Variants in CPVL observed in about 807,000 individuals in gnomAD.
The protein encoded by CPVL is carboxypeptidase vitellogenic like.
In CPVL, 51 loss-of-function variants were observed where a neutral mutation model predicts 63.7. The observed-to-expected ratio is 0.80, with a 90% CI of 0.64 to 1.01. CPVL has a LOEUF of 1.01. Among genes scored for constraint, CPVL ranks in the 50% least tolerant of loss-of-function variants. CPVL has a pLI of 0.00. For synonymous variants in CPVL, 195 were observed against 206.0 expected (o/e 0.95, Z 0.46); for missense variants, 530 against 573.1 (o/e 0.92, Z 0.77).
chr7:29,182,396 A>T (rs891332851), intron 4 of CPVL, among the ~76,000 whole-genome samples: 46 of 118,572 alleles, frequency 3.9e-4, no homozygotes, highest in Admixed American at 1.6e-3. Context: ...GTGATATGAC[A>T]CATAGAGTGT....
At chr7:29,045,072 A>C (rs549183295) in intron 11 of CPVL, among the ~76,000 whole-genome samples, 1 of 152,360 alleles carries the variant, frequency 6.6e-6, no homozygotes, top group South Asian at 2.1e-4. Flanking sequence ...CATGGGGAAG[A>C]ATATATTATT....
intron 11 of CPVL, among the ~76,000 whole-genome samples, chr7:29,051,110 A>C (rs909366095): frequency 3.3e-5 from 5 of 152,232 alleles, no homozygotes; most frequent in African/African-American, 1.2e-4. Flanking sequence ...CTCAAGATTG[A>C]TTAAGGACTT....
chr7:29,039,269 T>C (rs952118744), intron 11 of CPVL, among the ~76,000 whole-genome samples: 1 of 152,194 alleles, frequency 6.6e-6, no homozygotes, highest in African/African-American at 2.4e-5. Flanking sequence ...AACCTTCTCC[T>C]AGTAAAGACC....
rs1320858329 is a variant in CPVL at position 29,004,722 on chromosome 7, C to T, written c.1321-8840G>A. Among the ~76,000 whole-genome samples the T allele has an allele frequency of 3.9e-5, 6 of 152,108 alleles. No homozygotes were observed. The East Asian group carries it at 1.2e-3, about 29-fold the overall frequency. On this transcript the variant is annotated intron_variant, in intron 12 of 12. Transcript: ENST00000265394. The stretch of plus-strand genomic sequence containing the variant: ...TTGGGTGACCACTTGTCGCACTGTG[C>T]CTAGGACCAAGAGGTTTCTGGGAAC...
At chr7:29,137,014 C>T (rs942377951) in intron 1 of CPVL, among the ~76,000 whole-genome samples, 1 of 152,164 alleles carries the variant, frequency 6.6e-6, no homozygotes, top group Non-Finnish European at 1.5e-5. Flanking sequence ...TTGTGACTTG[C>T]CTGGACTACT....
chr7:29,176,555 C>T (rs931389218), intron 5 of CPVL, among the ~76,000 whole-genome samples: 4 of 151,988 alleles, frequency 2.6e-5, no homozygotes, highest in African/African-American at 9.7e-5. Context: ...AAAGTAAAGA[C>T]ATTTATAGAC....
intron 1 of CPVL, among the ~76,000 whole-genome samples, chr7:29,130,232 G>A (rs1790547292): frequency 6.6e-6 from 1 of 152,224 alleles, no homozygotes; most frequent in South Asian, 2.1e-4. Flanking sequence ...TCTACTTTAA[G>A]TTGCCTGGTA....
chr7:29,002,462 T>C (rs544168533), intron 12 of CPVL, among the ~76,000 whole-genome samples: 2 of 152,330 alleles, frequency 1.3e-5, no homozygotes, highest in East Asian at 3.9e-4. Context: ...ATAACATTTT[T>C]CTTCATATAT....
At chr7:29,188,930 A>G (rs1008668976) in intron 1 of CPVL, among the ~76,000 whole-genome samples, 1 of 149,868 alleles carries the variant, frequency 6.7e-6, no homozygotes, top group Non-Finnish European at 1.5e-5. Context: ...CACAGCAAGG[A>G]TATAGTTTTC....
intron 12 of CPVL, among the ~76,000 whole-genome samples, chr7:29,025,232 A>AGGTTTAATTAGC (rs1554328708): frequency 6.6e-6 from 1 of 151,898 alleles, no homozygotes; most frequent in African/African-American, 2.4e-5. Context: ...TAAAGGAAAG[A>AGGTTTAATTAGC]GGTTTAATTG....
At position 29,066,030 on chromosome 7, in the gene CPVL, C is replaced by T. The variant is rs546224581; in HGVS notation, c.956G>A (p.Arg319Gln). 21 of 1,582,816 alleles carry T rather than the reference C, an allele frequency of 1.3e-5. No individual in the cohort carries two copies. In the East Asian group the frequency reaches 1.6e-4, roughly 12 times the overall value. The change falls in exon 10 of 13, where the codon CGG (arginine) becomes CAG (glutamine). Residue 319 changes from arginine (R) to glutamine (Q), a missense_variant. By Grantham distance (43) the Arg-to-Gln change is conservative. Transcript: ENST00000265394. ...TGCSNYYNFL[R>Q]CTEPEDQLYY... ...TTTTTAAAATGTCATTACCGTGCAC[C>T]GCAAAAAGTTATAGTAATTACTACA...
intron 5 of CPVL, among the ~76,000 whole-genome samples, chr7:29,164,906 A>G (rs1249444966): frequency 2.0e-5 from 3 of 151,820 alleles, no homozygotes; most frequent in Non-Finnish European, 2.9e-5. Flanking sequence ...TGATCTTTGT[A>G]TATCTATCAT....
intron 10 of CPVL, among the ~76,000 whole-genome samples, chr7:29,065,036 A>G (rs1483312445): frequency 1.5e-5 from 2 of 136,446 alleles, no homozygotes; most frequent in Non-Finnish European, 1.6e-5. Flanking sequence ...GACAGAAGAA[A>G]AGTTGTCCAT....
intron 12 of CPVL, among the ~76,000 whole-genome samples, chr7:29,026,165 A>C (rs1188483922): frequency 6.6e-6 from 1 of 152,192 alleles, no homozygotes; most frequent in Non-Finnish European, 1.5e-5. Context: ...ATACCAAGGA[A>C]AACTTTGGAA....
chr7:29,002,482 ATTTTC>A (rs1044801852), intron 12 of CPVL, among the ~76,000 whole-genome samples: 9 of 152,264 alleles, frequency 5.9e-5, no homozygotes, highest in African/African-American at 1.9e-4. Flanking sequence ...TTTTTTGTAC[ATTTTC>A]TTCAACATTT....
intron 5 of CPVL, among the ~76,000 whole-genome samples, chr7:29,154,830 G>A (rs1374948097): frequency 1.3e-5 from 2 of 152,128 alleles, no homozygotes; most frequent in African/African-American, 4.8e-5. Context: ...GTGAGACTCC[G>A]TGTATTAGTC....
chr7:29,032,503 T>A (rs1360511550), intron 11 of CPVL, among the ~76,000 whole-genome samples: 1 of 152,246 alleles, frequency 6.6e-6, no homozygotes, highest in East Asian at 1.9e-4. Context: ...CCTTGAGTAC[T>A]CATGGCCTCT....
chr7:29,113,965 T>C (rs923751945), intron 2 of CPVL, among the ~76,000 whole-genome samples: 1 of 152,168 alleles, frequency 6.6e-6, no homozygotes, highest in Non-Finnish European at 1.5e-5. Context: ...TGAGCCATAT[T>C]AAGTTGGAGA....
At chr7:29,089,585 T>C (rs1313178469) in intron 6 of CPVL, among the ~76,000 whole-genome samples, 1 of 152,190 alleles carries the variant, frequency 6.6e-6, no homozygotes, top group African/African-American at 2.4e-5. Context: ...CAGTGGGCCA[T>C]GTCAGTTTAC....
Sources: allele counts gnomAD v4.1 joint callset (sites outside exome capture counted in the v4.1 genomes callset), GRCh38; gene constraint gnomAD v4.1.1; transcripts MANE v1.5; gene names NCBI Gene and HGNC (gene_info 2026-07-23, HGNC 2026-07-21).